Variants in DCBLD1 observed in about 807,000 individuals in gnomAD.
The protein encoded by DCBLD1 is discoidin, CUB and LCCL domain containing 1.
DCBLD1 carries 57 observed loss-of-function variants against 71.5 expected under a neutral mutation model. The observed-to-expected ratio is 0.80, with a 90% CI of 0.64 to 0.99. The LOEUF is 0.99. DCBLD1 is among the 50% of genes least tolerant of loss of function. DCBLD1 has a pLI of 0.00. For synonymous variants in DCBLD1, 380 were observed against 363.8 expected, an observed-to-expected ratio of 1.04 and a Z score of -0.51; for missense variants, 891 against 923.5, an observed-to-expected ratio of 0.96 and a Z score of 0.46.
intron 5 of DCBLD1, among the ~76,000 whole-genome samples, chr6:117,527,632 T>C (rs979009502): frequency 6.6e-6 from 1 of 152,150 alleles, no homozygotes; most frequent in African/African-American, 2.4e-5. Flanking sequence ...ATATAAGGAA[T>C]AATTGAACAA....
chr6:117,545,007 C>T (rs1453563064), intron 13 of DCBLD1, among the ~76,000 whole-genome samples: 16 of 149,154 alleles, frequency 1.1e-4, no homozygotes, highest in Admixed American at 1.1e-3. Flanking sequence ...ACACCAGCCC[C>T]GTCTGGTCTT....
rs778270064 is a variant in DCBLD1, at chr6:117,538,729, C to T, written c.870C>T (p.Ala290=). ...AAGTTCACTGGTCTCCTGGCCAAGC[C>T]CGACTTCAGGACCAAGGCCCATCAT... is the stretch of plus-strand genomic sequence containing the variant. The part of the protein sequence containing the change: ...GDQVHWSPGQ[A]RLQDQGPSWA... The change falls in exon 8 of 15, where the codon GCC becomes GCT. Residue 290 remains alanine, a synonymous_variant. Transcript: ENST00000338728. The T allele has an allele frequency of 2.5e-6, 4 of 1,613,998 alleles. No individual in the cohort carries two copies. The highest frequency in any genetic ancestry group is 1.3e-5 in the African/African-American group (1 of 74,886).
At chr6:117,501,029 G>A (rs1777640206) in intron 1 of DCBLD1, among the ~76,000 whole-genome samples, 1 of 151,296 alleles carries the variant, frequency 6.6e-6, no homozygotes, top group African/African-American at 2.4e-5. Flanking sequence ...CCTCTTTTAT[G>A]AAAGGAGAAT....
chr6:117,539,603 A>G (rs1779020779), intron 9 of DCBLD1: 1 of 348,988 alleles, frequency 2.9e-6, no homozygotes, highest in Non-Finnish European at 5.1e-6. Flanking sequence ...AAAAATTTTT[A>G]ATTACCCAAA....
At chr6:117,499,129 G>A (rs73555250) in intron 1 of DCBLD1, among the ~76,000 whole-genome samples, 203 of 151,688 alleles carry the variant, frequency 1.3e-3, no homozygotes, top group African/African-American at 4.6e-3. Flanking sequence ...TAGGCTAGGT[G>A]CAGTGGTGCA....
intron 6 of DCBLD1, 62 bp downstream of exon 6, chr6:117,532,455 C>A: frequency 6.7e-7 from 1 of 1,484,486 alleles, no homozygotes; most frequent in Non-Finnish European, 9.0e-7. Context: ...GGATAATTAA[C>A]CAGCTCACAA....
intron 5 of DCBLD1, among the ~76,000 whole-genome samples, chr6:117,527,804 A>T (rs934505372): frequency 4.0e-5 from 6 of 151,734 alleles, no homozygotes; most frequent in Non-Finnish European, 7.4e-5. Context: ...TGAGGGGGGA[A>T]CTTTAAAGTC....
intron 7 of DCBLD1, among the ~76,000 whole-genome samples, chr6:117,537,426 C>G (rs954706969): frequency 2.6e-5 from 4 of 151,086 alleles, no homozygotes; most frequent in Non-Finnish European, 5.9e-5. Context: ...CCCAGCTTCT[C>G]GGGAGGCTGA....
In DCBLD1 at chr6:117,482,691, G is replaced by C. The variant is rs1276593179; in HGVS notation, c.-91G>C. ...TGCGCCCCGTCCCGGCGCCGCGCTCGTCCGCAGAGGAGGCGGCCCGGCCCG... is the reference window on the plus strand; with the variant it reads ...TGCGCCCCGTCCCGGCGCCGCGCTCCTCCGCAGAGGAGGCGGCCCGGCCCG... On this transcript the variant is annotated 5_prime_UTR_variant, in exon 1 of 15. Transcript: ENST00000338728. 2.8e-6 allele frequency: 3 copies of C among 1,087,870 alleles called. No individual in the cohort carries two copies. The highest frequency in any genetic ancestry group is 9.0e-5 in the South Asian group (2 of 22,248). 67.4% of individuals were successfully genotyped at this position (1,087,870 alleles called of 1,614,324 possible). A position where few individuals can be genotyped will look rare whatever the true frequency, so the allele number is the denominator to read the frequency against.
At chr6:117,544,667 C>T in intron 13 of DCBLD1, 90 bp downstream of exon 13, 1 of 1,425,424 alleles carries the variant, frequency 7.0e-7, no homozygotes, top group Non-Finnish European at 9.7e-7. Flanking sequence ...CAGTGGCCCA[C>T]ATTTATTTGG....
At position 117,540,878 on chromosome 6, in the gene DCBLD1, T is replaced by G. The variant is rs192795296; in HGVS notation, c.1250-40T>G. The G allele has an allele frequency of 3.4e-5, 55 of 1,613,884 alleles. No individual in the cohort carries two copies. The East Asian group carries it at 1.2e-3, about 35-fold the overall frequency. On this transcript the variant is annotated intron_variant, in intron 10 of 14. Coordinates refer to ENST00000338728, the MANE Select transcript of DCBLD1 (RefSeq NM_001366458.2). ...GGTCATATTTTTTTTCGCCTATCAT[T>G]GTTACTCATGTGGTTTTCCCGACAT...
chr6:117,483,648 C>T (rs1252138224), intron 1 of DCBLD1, among the ~76,000 whole-genome samples: 1 of 152,136 alleles, frequency 6.6e-6, no homozygotes, highest in Non-Finnish European at 1.5e-5. Flanking sequence ...AAAGCAGCAA[C>T]CCCCTTTACC....
downstream of DCBLD1, among the ~76,000 whole-genome samples, chr6:117,550,447 C>T (rs1779409600): frequency 6.6e-6 from 1 of 152,176 alleles, no homozygotes; most frequent in Non-Finnish European, 1.5e-5. Context: ...AATTGTCTGA[C>T]TTATGTTATC....
At chr6:117,522,241 T>C (rs1280587500) in intron 4 of DCBLD1, among the ~76,000 whole-genome samples, 1 of 152,178 alleles carries the variant, frequency 6.6e-6, no homozygotes, top group Non-Finnish European at 1.5e-5. Flanking sequence ...GGTCAGATAA[T>C]TCTTTATATT....
intron 1 of DCBLD1, among the ~76,000 whole-genome samples, chr6:117,492,129 T>C (rs1246620455): frequency 6.6e-6 from 1 of 152,254 alleles, no homozygotes; most frequent in Non-Finnish European, 1.5e-5. Context: ...TTTGGAATGT[T>C]AGTTTCTGAC....
intron 1 of DCBLD1, among the ~76,000 whole-genome samples, chr6:117,501,480 C>T (rs1424222783): frequency 2.0e-5 from 3 of 152,054 alleles, no homozygotes; most frequent in Admixed American, 1.3e-4. Context: ...ATTACAGGCT[C>T]GCGCTACCAT....
intron 1 of DCBLD1, among the ~76,000 whole-genome samples, chr6:117,483,746 T>G (rs531920761): frequency 6.6e-5 from 10 of 152,216 alleles, no homozygotes; most frequent in Middle Eastern, 3.4e-3. Context: ...CCGAGTTGTT[T>G]CAGTGTTTCC....
At chr6:117,545,263 T>C (rs887319177) in intron 13 of DCBLD1, among the ~76,000 whole-genome samples, 1 of 151,958 alleles carries the variant, frequency 6.6e-6, no homozygotes, top group Non-Finnish European at 1.5e-5. Flanking sequence ...CAAAATACCT[T>C]TTAAAGGCAC....
intron 2 of DCBLD1, among the ~76,000 whole-genome samples, chr6:117,513,332 A>G (rs541986595): frequency 6.6e-6 from 1 of 152,322 alleles, no homozygotes; most frequent in East Asian, 1.9e-4. Context: ...CAAAGAAGGC[A>G]ACTCCTACAG....
Sources: gnomAD v4.1 joint callset for allele counts (sites outside exome capture counted in the v4.1 genomes callset) on GRCh38, gnomAD v4.1.1 for gene constraint, MANE v1.5 for transcripts, NCBI Gene and HGNC (gene_info 2026-07-23, HGNC 2026-07-21) for gene names.